CACNA1E: variants seen among roughly 807,000 people sequenced by gnomAD.
The protein encoded by CACNA1E is calcium voltage-gated channel subunit alpha1 E.
A neutral mutation model predicts 259.2 loss-of-function variants in CACNA1E; 40 were observed. The observed-to-expected ratio is 0.15, with a 90% CI of 0.12 to 0.20. CACNA1E has a LOEUF of 0.20. Among genes scored for constraint, CACNA1E ranks in the 10% least tolerant of loss-of-function variants. CACNA1E has a pLI of 1.00. For missense variants in CACNA1E, 1,874 were observed against 3,040.1 expected, an observed-to-expected ratio of 0.62 and a Z score of 9.02; for synonymous variants, 1,104 against 1,138.5, an observed-to-expected ratio of 0.97 and a Z score of 0.61.
intron 7 of CACNA1E, among the ~76,000 whole-genome samples, chr1:181,681,986 G>A (rs986028763): frequency 2.0e-5 from 3 of 152,176 alleles, no homozygotes; most frequent in Admixed American, 6.5e-5. Flanking sequence ...TGTGAAAGGG[G>A]AAAGAGAAGC....
chr1:181,477,785 A>G (rs564522976), intron 2 of CACNA1E, among the ~76,000 whole-genome samples: 4 of 152,220 alleles, frequency 2.6e-5, no homozygotes, highest in Non-Finnish European at 5.9e-5. Context: ...TGAAATGTAC[A>G]TAACAAGTAC....
chr1:181,710,852 A>G, intron 7 of CACNA1E, 102 bp from the exon 8 acceptor site: 1 of 814,302 alleles, frequency 1.2e-6, no homozygotes. Flanking sequence ...TGGGCTTAAT[A>G]GAGGTACTTG....
intron 6 of CACNA1E, among the ~76,000 whole-genome samples, chr1:181,582,416 C>T (rs1651632064): frequency 6.6e-6 from 1 of 152,224 alleles, no homozygotes; most frequent in Admixed American, 6.5e-5. Context: ...CTAGGAATTG[C>T]AGCACTGGCC....
At chr1:181,395,856 G>A (rs2102058942) in intron 1 of CACNA1E, among the ~76,000 whole-genome samples, 1 of 152,356 alleles carries the variant, frequency 6.6e-6, no homozygotes, top group South Asian at 2.1e-4. Context: ...GTCAAATAAT[G>A]TGATGAGTCA....
intron 3 of CACNA1E, among the ~76,000 whole-genome samples, chr1:181,569,925 A>G (rs1390787610): frequency 6.6e-6 from 1 of 152,184 alleles, no homozygotes; most frequent in Non-Finnish European, 1.5e-5. Flanking sequence ...TAAGAACTGT[A>G]TGTAATTGGG....
chr1:181,372,338 T>C (rs750478267), intron 1 of CACNA1E, among the ~76,000 whole-genome samples: 21 of 152,200 alleles, frequency 1.4e-4, no homozygotes, highest in Non-Finnish European at 2.5e-4. Flanking sequence ...TATTACTAGA[T>C]ATTTTGTTCT....
At chr1:181,560,374 A>G (rs1470431446) in intron 3 of CACNA1E, among the ~76,000 whole-genome samples, 1 of 152,058 alleles carries the variant, frequency 6.6e-6, no homozygotes, top group Non-Finnish European at 1.5e-5. Flanking sequence ...CCATTTTGGT[A>G]TATTTCCTTC....
intron 6 of CACNA1E, among the ~76,000 whole-genome samples, chr1:181,647,782 C>T (rs894556175): frequency 9.2e-5 from 14 of 152,152 alleles, no homozygotes; most frequent in African/African-American, 2.7e-4. Flanking sequence ...CTGCTTCCTG[C>T]CGAGGTGTGT....
At chr1:181,489,514 G>A (rs755745335) in intron 1 of CACNA1E, among the ~76,000 whole-genome samples, 5 of 152,178 alleles carry the variant, frequency 3.3e-5, no homozygotes, top group Non-Finnish European at 7.4e-5. Context: ...AAGCTGGGGA[G>A]AAATCTTGTA....
chr1:181,541,867 A>G (rs1335145995), intron 3 of CACNA1E, among the ~76,000 whole-genome samples: 2 of 152,186 alleles, frequency 1.3e-5, no homozygotes, highest in East Asian at 3.8e-4. Flanking sequence ...CTTGGTCTCT[A>G]TGTCCTCATG....
At chr1:181,638,337 A>G (rs1657427195) in intron 6 of CACNA1E, among the ~76,000 whole-genome samples, 1 of 152,234 alleles carries the variant, frequency 6.6e-6, no homozygotes, top group African/African-American at 2.4e-5. Flanking sequence ...ATATGAAATT[A>G]GAAACTATTT....
At chr1:181,360,082 GA>G (rs535338560) in intron 1 of CACNA1E, among the ~76,000 whole-genome samples, 102 of 152,130 alleles carry the variant, frequency 6.7e-4, no homozygotes, top group Non-Finnish European at 1.2e-3. Flanking sequence ...CTGCTTCCAT[GA>G]CACCTCGGGC....
chr1:181,600,501 G>A (rs931829916), intron 6 of CACNA1E, among the ~76,000 whole-genome samples: 3 of 152,190 alleles, frequency 2.0e-5, no homozygotes, highest in African/African-American at 7.2e-5. Context: ...CTGCTGGTGG[G>A]GCTGAGCAGT....
chr1:181,631,549 A>G (rs535381188), intron 6 of CACNA1E, among the ~76,000 whole-genome samples: 6 of 152,222 alleles, frequency 3.9e-5, no homozygotes, highest in African/African-American at 1.4e-4. Flanking sequence ...GAGTGTGTTC[A>G]GGATTCCAGA....
At position 181,655,896 on chromosome 1, in the gene CACNA1E, G is replaced by C. The variant is rs11806550; in HGVS notation, c.1055+4455G>C. ...TCATGTGCCACATAATGACATTTCA[G>C]TCAATGACTGATGTATATGCAACAG... On this transcript the variant is annotated intron_variant, in intron 7 of 47. Transcript: ENST00000367573. Among the ~76,000 whole-genome samples, 1,350 of 152,276 alleles carry C rather than the reference G, an allele frequency of 8.9e-3. 25 individuals are homozygous for C. The highest frequency in any genetic ancestry group is 0.031 in the African/African-American group (1,299 of 41,536).
At position 181,433,997 on chromosome 1, in the gene CACNA1E, A is replaced by C. The variant is rs112862768; in HGVS notation, c.434+20417A>C. On this transcript the variant is annotated intron_variant, in intron 2 of 11. Transcript: ENST00000524607. ...ATTAACAGCTCAGCAAGCACTGGAG[A>C]CCGGCATGTTTGCATTTCCACGCTC... Among the ~76,000 whole-genome samples, 366 of 152,326 alleles carry C rather than the reference A, an allele frequency of 2.4e-3. 3 individuals are homozygous for C. Among genetic ancestry groups the C allele is most frequent in the African/African-American group, 8.2e-3 (342 of 41,560 alleles).
chr1:181,641,803 T>A (rs1016373915), intron 6 of CACNA1E, among the ~76,000 whole-genome samples: 1 of 143,010 alleles, frequency 7.0e-6, no homozygotes, highest in Non-Finnish European at 1.5e-5. Flanking sequence ...AACCTCCGTC[T>A]CCTGGGTTCA....
intron 9 of CACNA1E, among the ~76,000 whole-genome samples, chr1:181,715,721 T>G (rs1185675091): frequency 6.6e-6 from 1 of 152,190 alleles, no homozygotes; most frequent in African/African-American, 2.4e-5. Context: ...TGAGACCACT[T>G]TCATTACCAG....
chr1:181,779,911 A>T (rs1660281970), intron 38 of CACNA1E, among the ~76,000 whole-genome samples: 1 of 151,942 alleles, frequency 6.6e-6, no homozygotes, highest in Non-Finnish European at 1.5e-5. Context: ...AGAATGCAGA[A>T]ATATTTTTAA....
Sources: allele counts gnomAD v4.1 joint callset (sites outside exome capture counted in the v4.1 genomes callset), GRCh38; gene constraint gnomAD v4.1.1; transcripts MANE v1.5; gene names NCBI Gene and HGNC (gene_info 2026-07-23, HGNC 2026-07-21).